NCAM2: variants seen among roughly 807,000 people sequenced by gnomAD.
NCAM2 encodes the protein neural cell adhesion molecule 2, also known as N-CAM-2.
NCAM2 carries 30 observed loss-of-function variants against 98.1 expected under a neutral mutation model. That is an observed-to-expected ratio of 0.31 (90% CI 0.23 to 0.41). NCAM2 has a LOEUF of 0.41. NCAM2 is among the 10% of genes least tolerant of loss of function. The probability of loss-of-function intolerance (pLI) is 1.00; values close to 1 mark genes in which losing one functional copy is unlikely to be tolerated. For missense variants in NCAM2, 867 were observed against 1,005.8 expected (o/e 0.86, Z 1.87); for synonymous variants, 368 against 342.4 (o/e 1.07, Z -0.83).
chr21:21,201,441 T>A (rs1170936538), intron 1 of NCAM2, among the ~76,000 whole-genome samples: 4 of 152,166 alleles, frequency 2.6e-5, no homozygotes, highest in Non-Finnish European at 5.9e-5. Context: ...AATCCCAGCT[T>A]AGGCAATCTG....
intron 1 of NCAM2, among the ~76,000 whole-genome samples, chr21:21,040,710 T>C (rs2064887059): frequency 6.6e-6 from 1 of 152,166 alleles, no homozygotes. Context: ...ATGTTCTCAT[T>C]CATATATGGA....
intron 9 of NCAM2, among the ~76,000 whole-genome samples, chr21:21,402,837 CT>C (rs1338967144): frequency 6.6e-6 from 1 of 152,094 alleles, no homozygotes; most frequent in Non-Finnish European, 1.5e-5. Context: ...GTGGGTTCCC[CT>C]GATAGGTAGT....
intron 1 of NCAM2, among the ~76,000 whole-genome samples, chr21:21,149,898 T>C (rs1158868545): frequency 6.6e-6 from 1 of 152,170 alleles, no homozygotes; most frequent in Non-Finnish European, 1.5e-5. Flanking sequence ...TTCTTTATAG[T>C]AGAATGATTT....
At chr21:21,011,807 TA>T (rs201907798) in intron 1 of NCAM2, among the ~76,000 whole-genome samples, 7,172 of 151,864 alleles carry the variant, frequency 0.047, 209 homozygotes, top group Non-Finnish European at 0.058. Flanking sequence ...TAACCCAATT[TA>T]AAAAAAGGGG....
chr21:21,036,645 A>C (rs1170622785), intron 1 of NCAM2, among the ~76,000 whole-genome samples: 3 of 152,146 alleles, frequency 2.0e-5, no homozygotes, highest in Non-Finnish European at 4.4e-5. Context: ...GTAGGAGTAA[A>C]TGATTTTCAG....
At chr21:21,410,944 T>C (rs1569032633) in intron 10 of NCAM2, among the ~76,000 whole-genome samples, 1 of 142,002 alleles carries the variant, frequency 7.0e-6, no homozygotes, top group African/African-American at 2.6e-5. Flanking sequence ...GAGGTGGAGG[T>C]TGCAGTGAGC....
In NCAM2 at chr21:21,073,366, G is replaced by A. The variant is rs141858773; in HGVS notation, c.55+74748G>A. 6.1e-3 allele frequency among the ~76,000 whole-genome samples: 935 copies of A among 152,118 alleles called. 6 individuals carry two copies. The highest frequency in any genetic ancestry group is 0.041 in the Middle Eastern group (12 of 292). On this transcript the variant is annotated intron_variant, in intron 1 of 17. Coordinates refer to ENST00000400546, the MANE Select transcript of NCAM2 (RefSeq NM_004540.5). ...TTATAGTATACTATTATTAATCTGT[G>A]TCTAAAAAAGAGTTGCAAATGTAAG...
intron 1 of NCAM2, among the ~76,000 whole-genome samples, chr21:21,148,056 T>G (rs1375685107): frequency 1.3e-5 from 2 of 151,944 alleles, no homozygotes; most frequent in Admixed American, 1.3e-4. Flanking sequence ...AATCCTACCT[T>G]CCTCCCATTT....
chr21:21,108,793 G>A (rs780866419), intron 1 of NCAM2, among the ~76,000 whole-genome samples: 2 of 152,020 alleles, frequency 1.3e-5, no homozygotes, highest in Non-Finnish European at 2.9e-5. Context: ...AAACTATCCA[G>A]CACACAAAAT....
chr21:21,348,640 CA>C (rs1352400942), intron 8 of NCAM2, among the ~76,000 whole-genome samples: 1 of 151,798 alleles, frequency 6.6e-6, no homozygotes, highest in African/African-American at 2.4e-5. Context: ...ATAGCCAAAG[CA>C]AAAAGAATAA....
intron 1 of NCAM2, among the ~76,000 whole-genome samples, chr21:21,044,575 A>G (rs969364970): frequency 3.9e-5 from 6 of 152,214 alleles, no homozygotes; most frequent in Non-Finnish European, 8.8e-5. Context: ...ATTTTTAGAT[A>G]TATTAAAACC....
At chr21:21,192,621 T>C (rs2068860746) in intron 1 of NCAM2, among the ~76,000 whole-genome samples, 1 of 151,448 alleles carries the variant, frequency 6.6e-6, no homozygotes, top group Non-Finnish European at 1.5e-5. Flanking sequence ...TGTAGAGAAA[T>C]GAGGAATAAA....
chr21:21,224,158 A>G (rs969995443), intron 1 of NCAM2, among the ~76,000 whole-genome samples: 6 of 152,128 alleles, frequency 3.9e-5, no homozygotes, highest in South Asian at 4.1e-4. Flanking sequence ...ATTTTCCCCC[A>G]TGGGTGTTAT....
intron 8 of NCAM2, among the ~76,000 whole-genome samples, chr21:21,348,959 CT>C (rs1218143894): frequency 6.6e-6 from 1 of 152,072 alleles, no homozygotes. Flanking sequence ...AGACTTAAAT[CT>C]AAGACCTCAA....
At chr21:21,271,822 GT>G (rs1474038701) in intron 1 of NCAM2, among the ~76,000 whole-genome samples, 1 of 152,052 alleles carries the variant, frequency 6.6e-6, no homozygotes, top group African/African-American at 2.4e-5. Context: ...TTTTGATTTG[GT>G]TAGAAATAAG....
At chr21:21,303,710 A>G (rs891019129) in intron 5 of NCAM2, among the ~76,000 whole-genome samples, 69 of 152,230 alleles carry the variant, frequency 4.5e-4, no homozygotes, top group African/African-American at 1.6e-3. Context: ...AAGTGATTGT[A>G]CTATTTTACC....
intron 15 of NCAM2, among the ~76,000 whole-genome samples, chr21:21,483,352 A>G (rs1219585024): frequency 6.6e-6 from 1 of 152,076 alleles, no homozygotes; most frequent in Admixed American, 6.6e-5. Flanking sequence ...ATAGTTGTTT[A>G]GATTTAACAA....
rs144645725 is a variant in NCAM2, at chr21:21,138,857, A to C, written c.55+140239A>C. 4.9e-3 allele frequency among the ~76,000 whole-genome samples: 747 copies of C among 152,314 alleles called. 9 individuals are homozygous for C. Among genetic ancestry groups the C allele is most frequent in the African/African-American group, 0.017 (717 of 41,578 alleles). Reference sequence around the variant, plus strand: ...GAAGCCAACTTAGGTAAGGTAAGGTAAAATAACCCTTTAATGTAGTCATTG... The same window carrying C: ...GAAGCCAACTTAGGTAAGGTAAGGTCAAATAACCCTTTAATGTAGTCATTG... On this transcript the variant is annotated intron_variant, in intron 1 of 17. Coordinates refer to ENST00000400546, the MANE Select transcript of NCAM2 (RefSeq NM_004540.5).
intron 1 of NCAM2, among the ~76,000 whole-genome samples, chr21:21,017,398 C>T (rs1334173360): frequency 8.5e-6 from 1 of 118,276 alleles, no homozygotes; most frequent in Non-Finnish European, 1.6e-5. Context: ...TGCACTCCAG[C>T]CTGGCAACAG....
Sources: allele counts gnomAD v4.1 joint callset (sites outside exome capture counted in the v4.1 genomes callset), GRCh38; gene constraint gnomAD v4.1.1; transcripts MANE v1.5; gene names NCBI Gene and HGNC (gene_info 2026-07-23, HGNC 2026-07-21).